Variants in SYNPO2 observed in about 807,000 individuals in gnomAD.
The protein encoded by SYNPO2 is synaptopodin-2.
In SYNPO2, 56 loss-of-function variants were observed where a neutral mutation model predicts 85.0. The observed-to-expected ratio is 0.66, with a 90% CI of 0.53 to 0.82. The LOEUF (loss-of-function observed/expected upper bound fraction) is 0.82, where lower values mean the gene tolerates loss of function less well. Ranked by LOEUF, SYNPO2 falls within the 40% of genes least tolerant of loss-of-function variation. SYNPO2 has a pLI of 0.00. For missense variants in SYNPO2, 1,575 were observed against 1,534.2 expected, an observed-to-expected ratio of 1.03 and a Z score of -0.44; for synonymous variants, 602 against 591.1, an observed-to-expected ratio of 1.02 and a Z score of -0.27.
At chr4:119,004,944 T>C (rs1206431528) in intron 1 of SYNPO2, among the ~76,000 whole-genome samples, 1 of 151,940 alleles carries the variant, frequency 6.6e-6, no homozygotes, top group African/African-American at 2.4e-5. Context: ...TGGTATCTCA[T>C]TGTGGTTTTG....
At chr4:118,933,560 A>T (rs1733997967) in intron 1 of SYNPO2, among the ~76,000 whole-genome samples, 4 of 152,234 alleles carry the variant, frequency 2.6e-5, no homozygotes. Context: ...ACATATAAAC[A>T]TAGATAAGTA....
intron 1 of SYNPO2, among the ~76,000 whole-genome samples, chr4:118,897,027 T>G (rs1211974883): frequency 1.3e-5 from 2 of 152,168 alleles, no homozygotes; most frequent in Non-Finnish European, 2.9e-5. Flanking sequence ...TTAGTTCATT[T>G]TCACACTGCT....
At chr4:118,855,151 A>G (rs1378526386) in intron 1 of SYNPO2, among the ~76,000 whole-genome samples, 1 of 152,146 alleles carries the variant, frequency 6.6e-6, no homozygotes. Flanking sequence ...AACACATTAA[A>G]TAAGGTTCAA....
chr4:118,996,620 G>T (rs1051473409), intron 1 of SYNPO2, among the ~76,000 whole-genome samples: 3 of 152,112 alleles, frequency 2.0e-5, no homozygotes, highest in Non-Finnish European at 4.4e-5. Context: ...CACTTTGGGA[G>T]GCCAGTGGGG....
chr4:118,966,118 A>C (rs1735308303), intron 1 of SYNPO2, among the ~76,000 whole-genome samples: 1 of 152,190 alleles, frequency 6.6e-6, no homozygotes, highest in Non-Finnish European at 1.5e-5. Flanking sequence ...TGGAAAGCTA[A>C]GTCTGATAGG....
chr4:118,980,334 A>C (rs1735958573), intron 1 of SYNPO2, among the ~76,000 whole-genome samples: 1 of 152,078 alleles, frequency 6.6e-6, no homozygotes, highest in South Asian at 2.1e-4. Context: ...CCTTCTCCGG[A>C]CTATTCCTTG....
At chr4:119,045,463 A>T (rs1234051347) in intron 4 of SYNPO2, among the ~76,000 whole-genome samples, 1 of 152,056 alleles carries the variant, frequency 6.6e-6, no homozygotes, top group East Asian at 1.9e-4. Flanking sequence ...AAAAACAAAA[A>T]CCCAAAAAAC....
chr4:119,016,608 G>A (rs1031662938), intron 1 of SYNPO2, among the ~76,000 whole-genome samples: 1 of 152,124 alleles, frequency 6.6e-6, no homozygotes, highest in African/African-American at 2.4e-5. Context: ...TAATCTGCCT[G>A]TAATTCAAAG....
chr4:119,050,064 G>A (rs1321604422), intron 4 of SYNPO2, among the ~76,000 whole-genome samples: 1 of 152,096 alleles, frequency 6.6e-6, no homozygotes, highest in Non-Finnish European at 1.5e-5. Flanking sequence ...GGGTGCAGTG[G>A]CTCACACATG....
intron 1 of SYNPO2, among the ~76,000 whole-genome samples, chr4:118,944,349 T>C (rs748279197): frequency 6.6e-6 from 1 of 152,176 alleles, no homozygotes; most frequent in Non-Finnish European, 1.5e-5. Context: ...TCTTTAGTCC[T>C]GGGGAAATCA....
chr4:118,943,569 A>G (rs1007010671), intron 1 of SYNPO2, among the ~76,000 whole-genome samples: 1 of 152,170 alleles, frequency 6.6e-6, no homozygotes, highest in Non-Finnish European at 1.5e-5. Context: ...GATCAAAGAG[A>G]TGCTGTCATA....
rs1737220221 is a variant in SYNPO2 at position 119,009,742 on chromosome 4, T to G, written c.106-13688T>G. On this transcript the variant is annotated intron_variant, in intron 1 of 4. Transcript: ENST00000307142. ...GGTTCTGTACTTTGAAAGTCCTCCC[T>G]AAGAAAGCCTGATATTCGCCAGAAG... Among the ~76,000 whole-genome samples the G allele has an allele frequency of 3.3e-5, 5 of 152,304 alleles. No individual in the cohort carries two copies. In the South Asian group the frequency reaches 1.0e-3, roughly 32 times the overall value.
chr4:118,905,086 C>G (rs369456631), intron 1 of SYNPO2, among the ~76,000 whole-genome samples: 3 of 152,286 alleles, frequency 2.0e-5, no homozygotes, highest in East Asian at 3.9e-4. Flanking sequence ...TCCATCCTAC[C>G]CGCATGCTAC....
chr4:119,032,119 G>C (rs533598989), intron 4 of SYNPO2, 92 bp downstream of exon 4: 2 of 1,534,802 alleles, frequency 1.3e-6, no homozygotes, highest in Admixed American at 4.0e-5. Context: ...TGTTTCTTGA[G>C]TCCCTGAGAA....
intron 1 of SYNPO2, among the ~76,000 whole-genome samples, chr4:118,924,785 TGTTTTA>T (rs1450766049): frequency 7.2e-5 from 11 of 152,326 alleles, no homozygotes; most frequent in African/African-American, 2.6e-4. Context: ...GTATATCTGC[TGTTTTA>T]AAGGAAGATT....
chr4:118,961,285 C>A (rs1445837564), intron 1 of SYNPO2, among the ~76,000 whole-genome samples: 2 of 152,090 alleles, frequency 1.3e-5, no homozygotes, highest in Non-Finnish European at 2.9e-5. Flanking sequence ...GGATGAGAAA[C>A]CCCAGCCTAC....
At chr4:118,900,027 G>T (rs1207394804) in intron 1 of SYNPO2, among the ~76,000 whole-genome samples, 1 of 152,170 alleles carries the variant, frequency 6.6e-6, no homozygotes, top group Admixed American at 6.5e-5. Context: ...CTCCCAAAGT[G>T]CTGGGATTAC....
At chr4:119,012,583 GT>G (rs746599037) in intron 1 of SYNPO2, among the ~76,000 whole-genome samples, 6 of 152,020 alleles carry the variant, frequency 3.9e-5, no homozygotes, top group East Asian at 1.9e-4. Context: ...GGTGTGTGAT[GT>G]TTCCCCTCCT....
In SYNPO2 at chr4:119,030,020, C is replaced by T. The variant is rs551494051; in HGVS notation, c.1245C>T (p.Gly415=). 6.2e-6 allele frequency: 10 copies of T among 1,613,888 alleles called. No homozygotes were observed. The highest frequency in any genetic ancestry group is 1.6e-4 in the Middle Eastern group (1 of 6,062). Residue 415 remains glycine (G), a synonymous_variant, in exon 4 of 5, where the codon GGC becomes GGT. Transcript: ENST00000307142. ...ACACCCTAGTTAGCTACGGTACTGG[C>T]GAGCTTGAGCGAGAGGCGGACGAGG... ...RKYTLVSYGT[G]ELEREADEEE... is the part of the protein sequence containing the mutation.
Sources: gnomAD v4.1 joint callset for allele counts (sites outside exome capture counted in the v4.1 genomes callset) on GRCh38, gnomAD v4.1.1 for gene constraint, MANE v1.5 for transcripts, NCBI Gene and HGNC (gene_info 2026-07-23, HGNC 2026-07-21) for gene names.